The following MACROD2 variants were observed in gnomAD, a reference collection of about 807,000 sequenced individuals.
MACROD2 encodes the protein mono-ADP ribosylhydrolase 2.
Under a neutral mutation model 70.4 loss-of-function variants are expected in MACROD2, and 36 were observed. The ratio of observed to expected loss-of-function variants is 0.51; its 90% CI spans 0.39 to 0.68. MACROD2 has a LOEUF of 0.68. Among genes scored for constraint, MACROD2 ranks in the 30% least tolerant of loss-of-function variants. The pLI is 0.00. For synonymous variants in MACROD2, 172 were observed against 178.8 expected, an observed-to-expected ratio of 0.96 and a Z score of 0.30; for missense variants, 496 against 538.4, an observed-to-expected ratio of 0.92 and a Z score of 0.78.
At chr20:15,132,690 G>A (rs2076115470) in intron 5 of MACROD2, among the ~76,000 whole-genome samples, 1 of 151,884 alleles carries the variant, frequency 6.6e-6, no homozygotes, top group South Asian at 2.1e-4. Context: ...TATAAAAGAT[G>A]AAGAAAACAA....
At chr20:15,566,541 G>C (rs1030654085) in intron 8 of MACROD2, among the ~76,000 whole-genome samples, 1 of 151,128 alleles carries the variant, frequency 6.6e-6, no homozygotes, top group Non-Finnish European at 1.5e-5. Context: ...AATTGAAACT[G>C]ATTTTGCTTA....
chr20:14,931,749 G>A (rs1452516954), intron 5 of MACROD2, among the ~76,000 whole-genome samples: 1 of 149,676 alleles, frequency 6.7e-6, no homozygotes, highest in Non-Finnish European at 1.5e-5. Flanking sequence ...GTGTAATCCA[G>A]TGCTTTGGGA....
At chr20:16,021,267 C>T (rs1041446953) in intron 15 of MACROD2, among the ~76,000 whole-genome samples, 6 of 152,184 alleles carry the variant, frequency 3.9e-5, no homozygotes, top group Admixed American at 3.3e-4. Context: ...GACTCATGAC[C>T]GCATTCTCTC....
chr20:15,430,027 C>G (rs536525768), intron 6 of MACROD2, among the ~76,000 whole-genome samples: 1 of 152,096 alleles, frequency 6.6e-6, no homozygotes, highest in South Asian at 2.1e-4. Flanking sequence ...CAGTATTTGT[C>G]TTTCTGTGAC....
chr20:14,591,426 G>T (rs573804908), intron 4 of MACROD2, among the ~76,000 whole-genome samples: 2 of 152,254 alleles, frequency 1.3e-5, no homozygotes, highest in East Asian at 3.9e-4. Context: ...AGTATAGCTA[G>T]ATTGGCTCCC....
Position 15,708,638 on chromosome 20 carries a change from C to CT in MACROD2, c.646-154107_646-154106insT, listed in dbSNP as rs201633661. 8.5e-4 allele frequency among the ~76,000 whole-genome samples: 109 copies of CT among 128,838 alleles called. 2 individuals are homozygous for CT. Among genetic ancestry groups the CT allele is most frequent in the Middle Eastern group, 9.6e-3 (2 of 208 alleles). 84.5% of individuals were successfully genotyped at this position (128,838 alleles called of 152,430 possible). The stretch of plus-strand genomic sequence containing the variant: ...ACCTGTGATTTCAGCACTTTGGGAG[C>CT]GAGGCAGTAGGATTGCTTAAGGCCA... On this transcript the variant is annotated intron_variant, in intron 8 of 17. Coordinates refer to ENST00000684519, the MANE Select transcript of MACROD2 (RefSeq NM_001351661.2).
intron 2 of MACROD2, among the ~76,000 whole-genome samples, chr20:14,003,025 A>G (rs1027902733): frequency 3.9e-5 from 6 of 152,244 alleles, no homozygotes; most frequent in African/African-American, 1.2e-4. Flanking sequence ...AATAGATTTA[A>G]TGGATGTTTA....
intron 3 of MACROD2, among the ~76,000 whole-genome samples, chr20:14,147,707 G>A (rs1037795947): frequency 1.9e-4 from 29 of 152,126 alleles, no homozygotes; most frequent in African/African-American, 3.6e-4. Flanking sequence ...CTGTAGTGGC[G>A]TGCATGGACA....
At chr20:15,957,968 G>T (rs1228052524) in intron 12 of MACROD2, among the ~76,000 whole-genome samples, 1 of 152,152 alleles carries the variant, frequency 6.6e-6, no homozygotes, top group Non-Finnish European at 1.5e-5. Context: ...TATTTGCAAT[G>T]GTGCTTTATC....
chr20:14,382,968 A>G (rs973382458), intron 3 of MACROD2, among the ~76,000 whole-genome samples: 1 of 152,196 alleles, frequency 6.6e-6, no homozygotes, highest in East Asian at 1.9e-4. Context: ...AAAAATGTAC[A>G]TATGTTTGCT....
At chr20:15,303,344 G>C (rs978121052) in intron 6 of MACROD2, among the ~76,000 whole-genome samples, 1 of 152,090 alleles carries the variant, frequency 6.6e-6, no homozygotes, top group Non-Finnish European at 1.5e-5. Flanking sequence ...AGCAAACTCT[G>C]CCTCACAGGA....
rs532345968 is a variant in MACROD2 at position 15,554,357 on chromosome 20, A to G, written c.645+54510A>G. ...TTTTGTATTACATTTCTCTCTGCCC[A>G]CAAAGGACTCTTTATTTATCAAAAA... On this transcript the variant is annotated intron_variant, in intron 8 of 17. Coordinates refer to ENST00000684519, the MANE Select transcript of MACROD2 (RefSeq NM_001351661.2). Among the ~76,000 whole-genome samples, 170 of 152,332 alleles carry G rather than the reference A, an allele frequency of 1.1e-3. 2 individuals are homozygous for G. Among genetic ancestry groups the G allele is most frequent in the South Asian group, 7.0e-3 (34 of 4,824 alleles).
chr20:15,800,078 A>G (rs529027956), intron 8 of MACROD2, among the ~76,000 whole-genome samples: 28 of 152,014 alleles, frequency 1.8e-4, no homozygotes, highest in African/African-American at 6.0e-4. Flanking sequence ...GGCCATTTGT[A>G]TGTCTTCTTT....
intron 3 of MACROD2, among the ~76,000 whole-genome samples, chr20:14,226,555 A>C (rs1000767618): frequency 2.0e-5 from 3 of 152,150 alleles, no homozygotes; most frequent in Non-Finnish European, 4.4e-5. Context: ...CTTGCGGGCC[A>C]GCTGGAGTTC....
At chr20:15,792,400 G>C (rs918351861) in intron 8 of MACROD2, among the ~76,000 whole-genome samples, 3 of 151,894 alleles carry the variant, frequency 2.0e-5, no homozygotes, top group Admixed American at 6.6e-5. Context: ...AAAAAAATCT[G>C]AACTAATAAA....
At chr20:14,709,853 A>G (rs1392849737) in intron 5 of MACROD2, among the ~76,000 whole-genome samples, 1 of 152,172 alleles carries the variant, frequency 6.6e-6, no homozygotes, top group Non-Finnish European at 1.5e-5. Flanking sequence ...TGGAAAATGT[A>G]CCTCTTTCTG....
intron 5 of MACROD2, among the ~76,000 whole-genome samples, chr20:14,702,799 C>T (rs917664710): frequency 7.3e-5 from 11 of 150,758 alleles, no homozygotes; most frequent in Non-Finnish European, 1.5e-4. Context: ...ATCATCTCGG[C>T]TCACTGCAAC....
intron 3 of MACROD2, among the ~76,000 whole-genome samples, chr20:14,216,980 C>T (rs775489321): frequency 2.3e-4 from 35 of 151,944 alleles, no homozygotes; most frequent in South Asian, 4.1e-4. Context: ...TCCTATTTAC[C>T]AATTTGGATG....
intron 8 of MACROD2, among the ~76,000 whole-genome samples, chr20:15,643,217 C>A (rs2049489202): frequency 1.3e-5 from 2 of 152,292 alleles, no homozygotes; most frequent in African/African-American, 4.8e-5. Flanking sequence ...ATCTCACCTT[C>A]TACCCTCAAC....
Sources: allele counts gnomAD v4.1 joint callset (sites outside exome capture counted in the v4.1 genomes callset), GRCh38; gene constraint gnomAD v4.1.1; transcripts MANE v1.5; gene names NCBI Gene and HGNC (gene_info 2026-07-23, HGNC 2026-07-21).